The following CTNNA3 variants were observed in gnomAD, a reference collection of about 807,000 sequenced individuals.
CTNNA3 encodes catenin alpha 3, also known as catenin alpha-3.
CTNNA3 carries 76 observed loss-of-function variants against 95.7 expected under a neutral mutation model. That is an observed-to-expected ratio of 0.79 (90% CI 0.66 to 0.96). The LOEUF is 0.96. Among genes scored for constraint, CTNNA3 ranks in the 40% least tolerant of loss-of-function variants. The pLI is 0.00. For synonymous variants in CTNNA3, 431 were observed against 374.4 expected, an observed-to-expected ratio of 1.15 and a Z score of -1.74; for missense variants, 1,191 against 1,089.8, an observed-to-expected ratio of 1.09 and a Z score of -1.31.
At chr10:66,582,528 A>G (rs189145482) in intron 10 of CTNNA3, among the ~76,000 whole-genome samples, 1 of 151,824 alleles carries the variant, frequency 6.6e-6, no homozygotes, top group East Asian at 1.9e-4. Context: ...CAGATCTAGG[A>G]GTCTTTTGGA....
At chr10:66,452,610 G>A (rs2093471650) in intron 11 of CTNNA3, among the ~76,000 whole-genome samples, 1 of 152,108 alleles carries the variant, frequency 6.6e-6, no homozygotes, top group East Asian at 1.9e-4. Flanking sequence ...TAACAAAGTA[G>A]CCACAAGATT....
At chr10:66,369,437 T>A (rs991984864) in intron 12 of CTNNA3, among the ~76,000 whole-genome samples, 44 of 152,186 alleles carry the variant, frequency 2.9e-4, no homozygotes, top group African/African-American at 1.0e-3. Flanking sequence ...ATCTTTAGAA[T>A]ATCCTTTCCA....
intron 6 of CTNNA3, among the ~76,000 whole-genome samples, chr10:67,217,357 T>C (rs1249858086): frequency 2.0e-5 from 3 of 152,238 alleles, no homozygotes; most frequent in Admixed American, 6.5e-5. Context: ...ATTTGTAACT[T>C]GGATATAAAA....
At chr10:67,569,154 A>C (rs1009514528) in intron 3 of CTNNA3, among the ~76,000 whole-genome samples, 5 of 152,162 alleles carry the variant, frequency 3.3e-5, no homozygotes, top group Admixed American at 6.6e-5. Context: ...AATTGCTAAA[A>C]AAACGTTCAA....
At chr10:66,618,096 T>C (rs1449535533) in intron 10 of CTNNA3, among the ~76,000 whole-genome samples, 1 of 152,140 alleles carries the variant, frequency 6.6e-6, no homozygotes, top group African/African-American at 2.4e-5. Context: ...TCCATGCTCA[T>C]GGATAGGAAG....
At chr10:66,139,775 C>G (rs2083522337) in intron 13 of CTNNA3, among the ~76,000 whole-genome samples, 1 of 152,160 alleles carries the variant, frequency 6.6e-6, no homozygotes, top group Non-Finnish European at 1.5e-5. Context: ...ATCAGGCAGA[C>G]AGGCCTGTAG....
At position 66,320,677 on chromosome 10, in the gene CTNNA3, T is replaced by C. The variant is rs2092170452; in HGVS notation, c.1733-40056A>G. ...TGTTCCTGATAATAAAAAACACATT[T>C]TCCTTTTATATATAATATTCCATAT... On this transcript the variant is annotated intron_variant, in intron 12 of 17. Coordinates refer to ENST00000433211, the MANE Select transcript of CTNNA3 (RefSeq NM_013266.4). Among the ~76,000 whole-genome samples the C allele has an allele frequency of 3.3e-5, 5 of 152,144 alleles. No individual in the cohort carries two copies. The South Asian group carries it at 1.0e-3, about 31-fold the overall frequency.
intron 12 of CTNNA3, among the ~76,000 whole-genome samples, chr10:66,291,374 G>A (rs1328935451): frequency 6.6e-6 from 1 of 152,148 alleles, no homozygotes; most frequent in African/African-American, 2.4e-5. Context: ...TGGTTCAATA[G>A]GTCTAAAGTG....
intron 2 of CTNNA3, among the ~76,000 whole-genome samples, chr10:67,645,193 GCACACACACA>G (rs113262576): frequency 2.0e-5 from 3 of 149,086 alleles, no homozygotes; most frequent in Admixed American, 2.0e-4. Flanking sequence ...GCACGTGCGC[GCACACACACA>G]CACACACACA....
At position 67,652,233 on chromosome 10, in the gene CTNNA3, CAT is replaced by C. The variant is rs748494340; in HGVS notation, c.-5-4717_-5-4716del. The stretch of plus-strand genomic sequence containing the variant: ...CCTAATTAGCTCCCAAAGGCTCCAC[CAT>C]TCTAATATCATCACCCTGGGAGTTA... On this transcript the variant is annotated intron_variant, in intron 1 of 17. Transcript: ENST00000433211. Among the ~76,000 whole-genome samples, 15 of 152,330 alleles carry C rather than the reference CAT, an allele frequency of 9.8e-5. No homozygotes were observed. In the East Asian group the frequency reaches 2.5e-3, roughly 25 times the overall value.
In CTNNA3 at chr10:66,184,815, C is replaced by A. The variant is rs138310863; in HGVS notation, c.1885-81566G>T. ...CTCTCTTCATTCATACTCTTTATTC[C>A]TACTAATGCATTTTGTCCTAACTAC... On this transcript the variant is annotated intron_variant, in intron 13 of 17. Transcript: ENST00000433211. Among the ~76,000 whole-genome samples, 20 of 152,216 alleles carry A rather than the reference C, an allele frequency of 1.3e-4. No individual in the cohort carries two copies. In the East Asian group the frequency reaches 3.7e-3, roughly 28 times the overall value.
At chr10:66,708,347 CTT>C (rs1848185032) in intron 9 of CTNNA3, among the ~76,000 whole-genome samples, 1 of 151,980 alleles carries the variant, frequency 6.6e-6, no homozygotes, top group Admixed American at 6.6e-5. Context: ...TCTGAGACCT[CTT>C]GTCTTTGCTT....
chr10:66,888,406 A>G (rs1201100960), intron 7 of CTNNA3, among the ~76,000 whole-genome samples: 4 of 152,188 alleles, frequency 2.6e-5, no homozygotes, highest in Admixed American at 2.0e-4. Context: ...AACTTCTGAC[A>G]TACCGAACTA....
At chr10:66,836,616 A>G (rs1428376476) in intron 7 of CTNNA3, among the ~76,000 whole-genome samples, 1 of 152,182 alleles carries the variant, frequency 6.6e-6, no homozygotes, top group Non-Finnish European at 1.5e-5. Context: ...AAGTGATTCC[A>G]TCTGAGGAAG....
At chr10:66,504,020 A>G (rs1336388843) in intron 11 of CTNNA3, among the ~76,000 whole-genome samples, 2 of 152,216 alleles carry the variant, frequency 1.3e-5, no homozygotes, top group Non-Finnish European at 2.9e-5. Context: ...GCGAATTAAC[A>G]TATACATCAC....
chr10:66,635,990 CTGTGTGTGTG>C (rs10527642), intron 9 of CTNNA3, among the ~76,000 whole-genome samples: 25,921 of 145,788 alleles, frequency 0.18, 2,711 homozygotes, highest in African/African-American at 0.29. Flanking sequence ...TGGAAGAACA[CTGTGTGTGTG>C]TGTGTGTGTG....
chr10:67,701,799 C>T (rs1371330193), intron 1 of CTNNA3, among the ~76,000 whole-genome samples: 4 of 151,430 alleles, frequency 2.6e-5, no homozygotes, highest in Non-Finnish European at 5.9e-5. Context: ...TGTAAATGGA[C>T]TAAATGCTCC....
chr10:66,360,664 TTCCTTC>T lies in CTNNA3; in HGVS notation c.1732+18482_1732+18487del, dbSNP rs1564896311. Among the ~76,000 whole-genome samples, 512 of 57,868 alleles carry T rather than the reference TTCCTTC, an allele frequency of 8.8e-3. 9 individuals carry two copies. Among genetic ancestry groups the T allele is most frequent in the African/African-American group, 0.014 (257 of 18,454 alleles). 38.0% of individuals were successfully genotyped at this position (57,868 alleles called of 152,430 possible). A position where few individuals can be genotyped will look rare whatever the true frequency, so the allele number is the denominator to read the frequency against. ...CTTTCTTTCTTTCTTTCTTTCTTCCTTCCTTCCTTCCTTCCTTCCTTCCTTCCTTTT... is the reference window on the plus strand; with the variant it reads ...CTTTCTTTCTTTCTTTCTTTCTTCCTCTTCCTTCCTTCCTTCCTTCCTTTT... On this transcript the variant is annotated intron_variant, in intron 12 of 17. Transcript: ENST00000433211.
intron 5 of CTNNA3, among the ~76,000 whole-genome samples, chr10:67,485,665 C>T (rs1379760450): frequency 6.6e-6 from 1 of 152,134 alleles, no homozygotes; most frequent in Non-Finnish European, 1.5e-5. Context: ...TCATCCTTGG[C>T]TTTTTGTTTT....
Sources: allele counts gnomAD v4.1 joint callset (sites outside exome capture counted in the v4.1 genomes callset), GRCh38; gene constraint gnomAD v4.1.1; transcripts MANE v1.5; gene names NCBI Gene and HGNC (gene_info 2026-07-23, HGNC 2026-07-21).